The following PLA2G4A variants were observed in gnomAD, a reference collection of about 807,000 sequenced individuals.
PLA2G4A encodes the protein cytosolic phospholipase A2.
Under a neutral mutation model 81.9 loss-of-function variants are expected in PLA2G4A, and 40 were observed. That is an observed-to-expected ratio of 0.49 (90% CI 0.38 to 0.64). The LOEUF is 0.64. PLA2G4A is among the 30% of genes least tolerant of loss of function. The pLI, the probability that PLA2G4A is intolerant of heterozygous loss-of-function variation, is 0.00. For synonymous variants in PLA2G4A, 302 were observed against 296.9 expected (o/e 1.02, Z -0.18); for missense variants, 715 against 905.1 (o/e 0.79, Z 2.69).
At chr1:186,952,259 A>C (rs1473213484) in intron 13 of PLA2G4A, among the ~76,000 whole-genome samples, 1 of 152,194 alleles carries the variant, frequency 6.6e-6, no homozygotes, top group Non-Finnish European at 1.5e-5. Context: ...CTACAGTACT[A>C]GCTGAGTCTT....
chr1:186,935,452 A>T (rs1322487682), intron 8 of PLA2G4A, among the ~76,000 whole-genome samples: 2 of 150,182 alleles, frequency 1.3e-5, no homozygotes, highest in Non-Finnish European at 1.5e-5. Flanking sequence ...CATTTTCTAG[A>T]TGTCTGAGAT....
intron 7 of PLA2G4A, among the ~76,000 whole-genome samples, chr1:186,913,305 G>GT (rs1193238488): frequency 6.6e-6 from 1 of 151,642 alleles, no homozygotes; most frequent in Non-Finnish European, 1.5e-5. Flanking sequence ...TTCAATTATA[G>GT]TTTTTTTCTT....
chr1:186,944,673 C>T (rs1656274829), intron 10 of PLA2G4A, among the ~76,000 whole-genome samples: 1 of 152,142 alleles, frequency 6.6e-6, no homozygotes, highest in South Asian at 2.1e-4. Flanking sequence ...GGTGTTGTGA[C>T]CTACCATTGA....
intron 3 of PLA2G4A, among the ~76,000 whole-genome samples, chr1:186,888,673 A>G (rs929478383): frequency 3.9e-5 from 6 of 152,186 alleles, no homozygotes; most frequent in Non-Finnish European, 7.3e-5. Flanking sequence ...TTGGCTCCCT[A>G]TCAAGGCTGA....
intron 2 of PLA2G4A, among the ~76,000 whole-genome samples, chr1:186,857,148 TAATTACATAATATAATATA>T (rs1240011819): frequency 6.7e-4 from 26 of 38,700 alleles, no homozygotes; most frequent in African/African-American, 3.0e-3. Flanking sequence ...TATAATTATA[TAATTACATAATATAATATA>T]ATTATATAAT....
At chr1:186,874,819 C>A (rs1203644314) in intron 3 of PLA2G4A, among the ~76,000 whole-genome samples, 1 of 152,062 alleles carries the variant, frequency 6.6e-6, no homozygotes, top group Non-Finnish European at 1.5e-5. Flanking sequence ...TCTTAACATA[C>A]TTCTTTAAGA....
chr1:186,912,602 G>A (rs1186057390), intron 7 of PLA2G4A, among the ~76,000 whole-genome samples: 1 of 151,552 alleles, frequency 6.6e-6, no homozygotes, highest in Non-Finnish European at 1.5e-5. Flanking sequence ...TTAGTAATAC[G>A]AATATAAGTT....
intron 3 of PLA2G4A, among the ~76,000 whole-genome samples, chr1:186,880,971 C>T (rs1653709320): frequency 1.3e-5 from 2 of 151,986 alleles, no homozygotes; most frequent in South Asian, 2.1e-4. Context: ...GCGTATATTT[C>T]TCCCCATTTT....
chr1:186,909,419 G>A lies in PLA2G4A; in HGVS notation c.417-1829G>A, dbSNP rs141187048. ...CTCATGCCTGTAATCCCAGCACTTT[G>A]GGAGGCTGAAGTGGGTTGATTACCC... On this transcript the variant is annotated intron_variant, in intron 6 of 17. Transcript: ENST00000367466. Among the ~76,000 whole-genome samples, 879 of 151,496 alleles carry A rather than the reference G, an allele frequency of 5.8e-3. 7 individuals are homozygous for A. Among genetic ancestry groups the A allele is most frequent in the African/African-American group, 0.02 (835 of 41,432 alleles).
rs12720490 is a variant in PLA2G4A at position 186,839,148 on chromosome 1, T to G, written c.-70+10113T>G. ...TAAAAATGATTTAGTTTTACACAAA[T>G]GAAGGCCAGGCTCCTCCATGGGTGG... is the stretch of plus-strand genomic sequence containing the variant. On this transcript the variant is annotated intron_variant, in intron 1 of 17. Coordinates refer to ENST00000367466, the MANE Select transcript of PLA2G4A (RefSeq NM_024420.3). Among the ~76,000 whole-genome samples the G allele has an allele frequency of 5.3e-3, 801 of 152,336 alleles. 15 individuals carry two copies. Among genetic ancestry groups the G allele is most frequent in the African/African-American group, 0.018 (765 of 41,578 alleles).
chr1:186,988,695 T>C lies in PLA2G4A; in HGVS notation c.*187T>C, dbSNP rs1571475866. 13 of 513,620 alleles carry C rather than the reference T, an allele frequency of 2.5e-5. No homozygotes were observed. In the East Asian group the frequency reaches 5.0e-4, roughly 20 times the overall value. 31.8% of individuals were successfully genotyped at this position (513,620 alleles called of 1,614,324 possible). A position where few individuals can be genotyped will look rare whatever the true frequency, so the allele number is the denominator to read the frequency against. ...AGTTAGGTTGACAAATGATGTTGAT[T>C]ATGTAAGGATATACTTAGCTACATT... is the stretch of plus-strand genomic sequence containing the variant. On this transcript the variant is annotated 3_prime_UTR_variant, in exon 18 of 18. Coordinates refer to ENST00000367466, the MANE Select transcript of PLA2G4A (RefSeq NM_024420.3).
intron 10 of PLA2G4A, among the ~76,000 whole-genome samples, 185 bp from the exon 11 acceptor site, chr1:186,946,452 C>T (rs12720621): frequency 1.3e-5 from 1 of 79,646 alleles, no homozygotes; most frequent in Non-Finnish European, 3.5e-5. Context: ...CACCTCTAAG[C>T]GTTTTTCCCC....
chr1:186,850,769 A>C (rs1652344616), intron 1 of PLA2G4A, among the ~76,000 whole-genome samples: 1 of 152,080 alleles, frequency 6.6e-6, no homozygotes, highest in African/African-American at 2.4e-5. Flanking sequence ...TGTCAAGTAT[A>C]AAGTCAATAG....
chr1:186,852,547 A>G (rs1199484080), intron 1 of PLA2G4A, among the ~76,000 whole-genome samples: 1 of 152,026 alleles, frequency 6.6e-6, no homozygotes, highest in Non-Finnish European at 1.5e-5. Flanking sequence ...GTGCCTGGTG[A>G]GGCTATTCTT....
Position 186,932,990 on chromosome 1 carries a change from A to T in PLA2G4A, c.695+91A>T. ...CTAGAAGAGAAAAGGGGATTTAGAA[A>T]ATTGATCATTAATTTAAATTACTGA... On this transcript the variant is annotated intron_variant, in intron 8 of 17. Transcript: ENST00000367466. 1.3e-5 allele frequency: 12 copies of T among 933,664 alleles called. 1 individual carries two copies. In the South Asian group the frequency reaches 1.8e-4, roughly 14 times the overall value. 57.8% of individuals were successfully genotyped at this position (933,664 alleles called of 1,614,324 possible).
In PLA2G4A at chr1:186,946,758, C is replaced by G; in HGVS notation, c.1155C>G (p.Pro385=). ...GTVVKKYEEN[P]LHFLMGVWGS... is the part of the protein sequence containing the mutation. ...TCGTTAAGAAGTATGAAGAAAACCC[C>G]TTGCATTTCTTAATGGGTAAGTGAT... is the stretch of plus-strand genomic sequence containing the variant. Residue 385 remains proline (P), a synonymous_variant, in exon 11 of 18, where the codon CCC becomes CCG. Coordinates refer to ENST00000367466, the MANE Select transcript of PLA2G4A (RefSeq NM_024420.3). The G allele has an allele frequency of 6.2e-6, 10 of 1,611,786 alleles. No individual in the cohort carries two copies. Among genetic ancestry groups the G allele is most frequent in the Non-Finnish European group, 8.5e-6 (10 of 1,178,254 alleles).
chr1:186,968,136 G>A (rs1657198870), intron 15 of PLA2G4A, among the ~76,000 whole-genome samples: 1 of 151,998 alleles, frequency 6.6e-6, no homozygotes, highest in South Asian at 2.1e-4. Flanking sequence ...TTCACCAATG[G>A]GGGTATAAAA....
intron 1 of PLA2G4A, among the ~76,000 whole-genome samples, chr1:186,850,283 G>T (rs1406111482): frequency 6.6e-6 from 1 of 152,082 alleles, no homozygotes; most frequent in Non-Finnish European, 1.5e-5. Context: ...GCAGTAAATA[G>T]ATATAAAAGC....
rs562287996 is a variant in PLA2G4A at position 186,879,359 on chromosome 1, C to A, written c.115+8843C>A. Reference sequence around the variant, plus strand: ...AGCAAGGCCTGACTAATGTCCACATCAGTAATTGCTGAGTATGTGCTATGT... The same window carrying A: ...AGCAAGGCCTGACTAATGTCCACATAAGTAATTGCTGAGTATGTGCTATGT... On this transcript the variant is annotated intron_variant, in intron 3 of 17. Transcript: ENST00000367466. Among the ~76,000 whole-genome samples, 6 of 152,050 alleles carry A rather than the reference C, an allele frequency of 3.9e-5. No individual in the cohort carries two copies. In the South Asian group the frequency reaches 1.2e-3, roughly 32 times the overall value.
Sources: gnomAD v4.1 joint callset for allele counts (sites outside exome capture counted in the v4.1 genomes callset) on GRCh38, gnomAD v4.1.1 for gene constraint, MANE v1.5 for transcripts, NCBI Gene and HGNC (gene_info 2026-07-23, HGNC 2026-07-21) for gene names.